TET3: variants seen among roughly 807,000 people sequenced by gnomAD.
TET3 encodes the protein tet methylcytosine dioxygenase 3, also known as methylcytosine dioxygenase TET3.
Under a neutral mutation model 141.4 loss-of-function variants are expected in TET3, and 19 were observed. The ratio of observed to expected loss-of-function variants is 0.13; its 90% CI spans 0.09 to 0.20. The LOEUF is 0.20. TET3 is among the 10% of genes least tolerant of loss of function. The pLI, the probability that TET3 is intolerant of heterozygous loss-of-function variation, is 1.00. For synonymous variants in TET3, 1,043 were observed against 980.9 expected (o/e 1.06, Z -1.18); for missense variants, 1,874 against 2,356.9 (o/e 0.80, Z 4.24).
chr2:74,068,377 T>G (rs1054754904), intron 4 of TET3, among the ~76,000 whole-genome samples: 3 of 152,200 alleles, frequency 2.0e-5, no homozygotes, highest in African/African-American at 4.8e-5. Context: ...TGAAATTTTT[T>G]TTCTCCCACT....
intron 3 of TET3, among the ~76,000 whole-genome samples, chr2:74,036,891 G>A (rs946609698): frequency 2.6e-5 from 4 of 152,098 alleles, no homozygotes; most frequent in African/African-American, 7.2e-5. Context: ...TTTTTTCTAA[G>A]TATCACCCCA....
At chr2:74,109,349 A>T (rs1410321053), downstream of TET3, among the ~76,000 whole-genome samples, 1 of 152,270 alleles carries the variant, frequency 6.6e-6, no homozygotes, top group African/African-American at 2.4e-5. Context: ...AAACATTTTG[A>T]GTGTGTAAAT....
the TET3 span, among the ~76,000 whole-genome samples, chr2:74,116,641 C>T: frequency 3.4e-5 from 5 of 147,210 alleles, no homozygotes; most frequent in African/African-American, 7.6e-5. Flanking sequence ...GCCCAGATAG[C>T]GCCACTTCAC....
chr2:74,046,763 C>T lies in TET3; in HGVS notation c.846C>T (p.Tyr282=). 1 of 1,613,846 alleles carries T rather than the reference C, an allele frequency of 6.2e-7. No individual in the cohort carries two copies. Among genetic ancestry groups the T allele is most frequent in the African/African-American group, 1.3e-5 (1 of 75,044 alleles). The change falls in exon 4 of 12, where the codon TAC becomes TAT. Residue 282 remains tyrosine, a synonymous_variant. Coordinates refer to ENST00000409262, the MANE Select transcript of TET3 (RefSeq NM_001287491.2). This position sits in a 1 kb window ranked among gnomAD's most constrained non-coding sequence, Gnocchi z 4.3. ...GCGATGGCCCAGAATGCCCTGACTA[C>T]CTCGAGTGGCTGGAGGGGAAGATCA... is the stretch of plus-strand genomic sequence containing the variant. ...CNCDGPECPD[Y]LEWLEGKIKS...
chr2:73,990,121 T>A (rs989432154), intron 2 of TET3, among the ~76,000 whole-genome samples: 1 of 151,946 alleles, frequency 6.6e-6, no homozygotes, highest in African/African-American at 2.4e-5. Context: ...GGGCTAGGTA[T>A]GGTGGCTTAC....
the TET3 span, among the ~76,000 whole-genome samples, chr2:74,119,179 C>T: frequency 6.6e-6 from 1 of 152,024 alleles, no homozygotes; most frequent in Non-Finnish European, 1.5e-5. Flanking sequence ...ATAGTGAAAC[C>T]CTGGCTCTAC....
intron 4 of TET3, among the ~76,000 whole-genome samples, chr2:74,063,377 C>T (rs1461837662): frequency 1.3e-5 from 2 of 152,278 alleles, no homozygotes; most frequent in Non-Finnish European, 2.9e-5. Flanking sequence ...GGCAATACTT[C>T]ACCACCATGT....
intron 2 of TET3, among the ~76,000 whole-genome samples, chr2:73,994,388 G>A (rs1459804416): frequency 6.6e-6 from 1 of 152,126 alleles, no homozygotes; most frequent in African/African-American, 2.4e-5. Context: ...TTATTAGACA[G>A]ACTGAACCCA....
Position 74,101,628 on chromosome 2 carries a change from G to A in TET3, c.4840G>A (p.Glu1614Lys). The A allele has an allele frequency of 6.2e-7, 1 of 1,613,378 alleles. No homozygotes were observed. The highest frequency in any genetic ancestry group is 8.5e-7 in the Non-Finnish European group (1 of 1,179,676). The part of the protein sequence containing the change: ...DPFSLEEGPA[E>K]EPPSKGAVKE... ...CTTCAGCCTGGAGGAGGGGCCGGCT[G>A]AGGAGCCCCCCAGCAAGGGAGCGGT... is the stretch of plus-strand genomic sequence containing the variant. Residue 1614 changes from glutamate (E) to lysine (K), a missense_variant, in exon 12 of 12, where the codon GAG (glutamate) becomes AAG (lysine). Coordinates refer to ENST00000409262, the MANE Select transcript of TET3 (RefSeq NM_001287491.2). This position sits in a 1 kb window ranked among gnomAD's most constrained non-coding sequence, Gnocchi z 8.5.
chr2:74,028,243 C>A (rs981730293), intron 3 of TET3, among the ~76,000 whole-genome samples: 2 of 150,834 alleles, frequency 1.3e-5, no homozygotes, highest in African/African-American at 4.9e-5. Context: ...CTTCAGCCAC[C>A]CAAAGTGCTG....
rs1255863832 is a variant in TET3, at chr2:74,047,583, G to T, written c.1666G>T (p.Ala556Ser). Residue 556 changes from alanine to serine, a missense_variant, in exon 4 of 12, where the codon GCT (alanine) becomes TCT (serine). Around this residue, in one of 10 missense-constraint regions of TET3, gnomAD observed 484 missense variants for 462.2 expected, o/e 1.05. Coordinates refer to ENST00000409262, the MANE Select transcript of TET3 (RefSeq NM_001287491.2). ...CTTCCCTGCTCCTTCAGAGCCTTCT[G>T]CTCCTGGCTGGTGGCCCCCACCAAG... is the stretch of plus-strand genomic sequence containing the variant. ...TSFPAPSEPS[A>S]PGWWPPPSSP... 6.2e-7 allele frequency: 1 copy of T among 1,613,876 alleles called. No homozygotes were observed. The highest frequency in any genetic ancestry group is 1.7e-5 in the Admixed American group (1 of 60,014).
intron 8 of TET3, among the ~76,000 whole-genome samples, chr2:74,091,586 G>A (rs1690500427): frequency 1.3e-5 from 2 of 152,258 alleles, no homozygotes; most frequent in Middle Eastern, 3.2e-3. Flanking sequence ...AGGCAGGGAG[G>A]TGGCCTGGCA....
intron 2 of TET3, among the ~76,000 whole-genome samples, chr2:73,996,556 T>G (rs1490003334): frequency 6.6e-6 from 1 of 152,212 alleles, no homozygotes; most frequent in East Asian, 1.9e-4. Context: ...TCCCCCAAGT[T>G]GGAGTGCAAT....
chr2:74,101,500 G>C lies in TET3; in HGVS notation c.4712G>C (p.Gly1571Ala). The C allele has an allele frequency of 6.2e-7, 1 of 1,613,018 alleles. No homozygotes were observed. Among genetic ancestry groups the C allele is most frequent in the Non-Finnish European group, 8.5e-7 (1 of 1,179,554 alleles). The change falls in exon 12 of 12, where the codon GGG becomes GCG. Residue 1571 changes from glycine (G) to alanine (A), a missense_variant. By Grantham distance (60) the Gly-to-Ala change is moderately conservative. Coordinates refer to ENST00000409262, the MANE Select transcript of TET3 (RefSeq NM_001287491.2). The surrounding 1 kb of genome is among the most constrained non-coding windows in gnomAD (Gnocchi z 8.5). ...KGEEGRIPAA[G>A]ASQLDRAWQS... The stretch of plus-strand genomic sequence containing the variant: ...GAGGAGGGCAGGATTCCAGCCGCAG[G>C]GGCCAGCCAGCTGGACAGGGCCTGG...
rs552949205 is a variant in TET3, at chr2:73,987,343, G to A, written c.303+637G>A. Among the ~76,000 whole-genome samples the A allele has an allele frequency of 2.6e-5, 4 of 152,312 alleles. No individual in the cohort carries two copies. The East Asian group carries it at 5.8e-4, about 22-fold the overall frequency. ...TCAGATACTAATTGCATGAATGGAT[G>A]ACATGCTTTTGAGACACTGTCAACC... On this transcript the variant is annotated intron_variant, in intron 2 of 11. Coordinates refer to ENST00000409262, the MANE Select transcript of TET3 (RefSeq NM_001287491.2).
At chr2:74,052,062 C>T (rs1227897850) in intron 4 of TET3, among the ~76,000 whole-genome samples, 1 of 152,226 alleles carries the variant, frequency 6.6e-6, no homozygotes, top group Non-Finnish European at 1.5e-5. Flanking sequence ...TCACTGCAAC[C>T]TCTGCCTCCT....
At chr2:74,124,605 C>G in the TET3 span, among the ~76,000 whole-genome samples, 2 of 152,242 alleles carry the variant, frequency 1.3e-5, no homozygotes, top group African/African-American at 2.4e-5. Flanking sequence ...CCTTGGGATG[C>G]TGTTAATCTA....
intron 10 of TET3, among the ~76,000 whole-genome samples, chr2:74,098,768 A>G (rs1369932710): frequency 2.6e-5 from 4 of 152,084 alleles, no homozygotes; most frequent in Non-Finnish European, 5.9e-5. Context: ...TAATTTTTAT[A>G]TTTTTGGTAG....
At chr2:74,049,510 A>G (rs1687825986) in intron 4 of TET3, among the ~76,000 whole-genome samples, 1 of 152,106 alleles carries the variant, frequency 6.6e-6, no homozygotes, top group Non-Finnish European at 1.5e-5. Context: ...CTCGGCCCCC[A>G]CACTCTGTTT....
Sources: allele counts gnomAD v4.1 joint callset (sites outside exome capture counted in the v4.1 genomes callset), GRCh38; gene constraint gnomAD v4.1.1; regional missense constraint gnomAD v4.1.1; non-coding constraint Gnocchi (gnomAD v3.1); transcripts MANE v1.5; gene names NCBI Gene and HGNC (gene_info 2026-07-23, HGNC 2026-07-21).